Variants in QSOX1 observed in about 807,000 individuals in gnomAD.
QSOX1 encodes the protein sulfhydryl oxidase 1.
Under a neutral mutation model 76.1 loss-of-function variants are expected in QSOX1, and 40 were observed. That is an observed-to-expected ratio of 0.53 (90% CI 0.41 to 0.68). QSOX1 has a LOEUF of 0.68. Ranked by LOEUF, QSOX1 falls within the 30% of genes least tolerant of loss-of-function variation. The pLI is 0.00. For synonymous variants in QSOX1, 392 were observed against 413.1 expected (o/e 0.95, Z 0.62); for missense variants, 931 against 974.3 (o/e 0.96, Z 0.59).
Position 180,198,727 on chromosome 1 carries a change from C to G in QSOX1, c.*1690C>G, listed in dbSNP as rs368484930. The stretch of plus-strand genomic sequence containing the variant: ...TCCAGGCACCCATTGGCTCCATCCT[C>G]CTGGTTGTGCTCTGCACCCCCTGCT... On this transcript the variant is annotated 3_prime_UTR_variant, in exon 12 of 12. Transcript: ENST00000367602. 31 of 296,596 alleles carry G rather than the reference C, an allele frequency of 1.0e-4. No homozygotes were observed. The highest frequency in any genetic ancestry group is 6.8e-4 in the African/African-American group (31 of 45,776). 18.4% of individuals were successfully genotyped at this position (296,596 alleles called of 1,614,324 possible). A position where few individuals can be genotyped will look rare whatever the true frequency, so the allele number is the denominator to read the frequency against.
At chr1:180,186,582 C>T (rs960022197) in intron 8 of QSOX1, among the ~76,000 whole-genome samples, 1 of 152,240 alleles carries the variant, frequency 6.6e-6, no homozygotes, top group African/African-American at 2.4e-5. Flanking sequence ...AGAGGATGCT[C>T]TTCTGATACT....
chr1:180,176,882 G>A, intron 4 of QSOX1, among the ~76,000 whole-genome samples: 1 of 152,228 alleles, frequency 6.6e-6, no homozygotes, highest in Non-Finnish European at 1.5e-5. Flanking sequence ...TTAAAAGTTT[G>A]TGTGCAGGTG....
intron 8 of QSOX1, among the ~76,000 whole-genome samples, chr1:180,187,116 C>T (rs3767175): frequency 0.036 from 5,452 of 152,256 alleles, 180 homozygotes; most frequent in East Asian, 0.16. Flanking sequence ...TGATTTGTGC[C>T]TCTCCTTGGG....
rs1430925291 is a variant in QSOX1 at position 180,154,869 on chromosome 1, A to T, written c.-39A>T. The T allele has an allele frequency of 3.6e-5, 49 of 1,352,938 alleles. No homozygotes were observed. Among genetic ancestry groups the T allele is most frequent in the Non-Finnish European group, 4.6e-5 (49 of 1,057,378 alleles). 83.8% of individuals were successfully genotyped at this position (1,352,938 alleles called of 1,614,324 possible). ...GTGCCGCGGCGCCGGGACCCGACTC[A>T]TCCGGTGCTTGCGTGTGGTGGTGAG... On this transcript the variant is annotated 5_prime_UTR_variant, in exon 1 of 12. Transcript: ENST00000367602.
intron 5 of QSOX1, among the ~76,000 whole-genome samples, chr1:180,180,690 T>A (rs1663008828): frequency 6.6e-6 from 1 of 152,178 alleles, no homozygotes; most frequent in Non-Finnish European, 1.5e-5. Context: ...AATTTTTTTA[T>A]ATTTTTAGTA....
In QSOX1 at chr1:180,196,983, C is replaced by T. The variant is rs747725819; in HGVS notation, c.2190C>T (p.Tyr730=). ...TGGGCCTGCTGGCCATGTACACCTA[C>T]TTCCAGGCCAAGATAAGGGCCCTGA... ...SFMGLLAMYT[Y]FQAKIRALKG... Residue 730 remains tyrosine, a synonymous_variant, in exon 12 of 12, where the codon TAC becomes TAT. Coordinates refer to ENST00000367602, the MANE Select transcript of QSOX1 (RefSeq NM_002826.5). The surrounding 1 kb of genome is among the most constrained non-coding windows in gnomAD (Gnocchi z 4.1). 6.2e-7 allele frequency: 1 copy of T among 1,612,594 alleles called. No individual in the cohort carries two copies. Among genetic ancestry groups the T allele is most frequent in the Non-Finnish European group, 8.5e-7 (1 of 1,179,060 alleles).
At chr1:180,189,330 C>G (rs923355585) in intron 8 of QSOX1, among the ~76,000 whole-genome samples, 1 of 152,182 alleles carries the variant, frequency 6.6e-6, no homozygotes, top group Non-Finnish European at 1.5e-5. Flanking sequence ...ACCCTGTCTT[C>G]TAGCCTTACC....
At chr1:180,183,235 T>C (rs1663083250) in intron 6 of QSOX1, among the ~76,000 whole-genome samples, 1 of 151,368 alleles carries the variant, frequency 6.6e-6, no homozygotes, top group Non-Finnish European at 1.5e-5. Context: ...CCATGCCAGC[T>C]CCCCCGGGGC....
intron 10 of QSOX1, among the ~76,000 whole-genome samples, chr1:180,192,561 G>A (rs56049665): frequency 1.9e-3 from 287 of 152,288 alleles, no homozygotes; most frequent in Non-Finnish European, 3.1e-3. Context: ...CAGAGCTGAG[G>A]GACTTACTGA....
intron 9 of QSOX1, 37 bp from the exon 10 acceptor site, chr1:180,190,396 T>G: frequency 6.3e-7 from 1 of 1,592,734 alleles, no homozygotes; most frequent in Non-Finnish European, 8.6e-7. Context: ...ATCCTTTTCC[T>G]TCTCCATATG....
chr1:180,154,953 CTG>C lies in QSOX1; in HGVS notation c.47_48del (p.Leu16ProfsTer12). 6.7e-7 allele frequency: 1 copy of C among 1,496,812 alleles called. No individual in the cohort carries two copies. The highest frequency in any genetic ancestry group is 8.8e-7 in the Non-Finnish European group (1 of 1,131,096). The allele number at this position is 1,496,812 out of a possible 1,614,324, so 92.7% of individuals were successfully genotyped here. A position where few individuals can be genotyped will look rare whatever the true frequency, so the allele number is the denominator to read the frequency against. On this transcript the variant is annotated frameshift_variant, in exon 1 of 12. Coordinates refer to ENST00000367602, the MANE Select transcript of QSOX1 (RefSeq NM_002826.5). LOFTEE classifies it high-confidence loss of function. ...CTCCGGGCCGCCGCCGTCGCTGCTG[CTG>C]CTGCTGCTGTGGCTGCTCGCGGTTC... Reference protein sequence around the residue: ...SGSGPPPSLLLLLLWLLAVPG... With the variant: ...SGSGPPPSLLXLLLWLLAVPG...
chr1:180,156,718 C>A (rs932951721), intron 1 of QSOX1, among the ~76,000 whole-genome samples: 2 of 152,192 alleles, frequency 1.3e-5, no homozygotes, highest in Admixed American at 6.5e-5. Context: ...GTGCTTCACA[C>A]CATTTCAACA....
intron 1 of QSOX1, among the ~76,000 whole-genome samples, chr1:180,156,592 GCCATATGGT>G (rs1662380803): frequency 6.6e-6 from 1 of 152,186 alleles, no homozygotes; most frequent in East Asian, 1.9e-4. Flanking sequence ...ACATCTTTTA[GCCATATGGT>G]CCTGGAAAAT....
chr1:180,197,925 T>G lies in QSOX1; in HGVS notation c.*888T>G, dbSNP rs147033083. ...TCTCTCTCCAGGTTTCACCTTCCAG[T>G]GTGCAGAAGTTAGAAGGGTCTGGCG... On this transcript the variant is annotated 3_prime_UTR_variant, in exon 12 of 12. Transcript: ENST00000367602. 1.1e-3 allele frequency: 360 copies of G among 324,562 alleles called. 2 individuals carry two copies. The highest frequency in any genetic ancestry group is 6.5e-3 in the African/African-American group (300 of 46,300). 20.1% of individuals were successfully genotyped at this position (324,562 alleles called of 1,614,324 possible). A position where few individuals can be genotyped will look rare whatever the true frequency, so the allele number is the denominator to read the frequency against.
At position 180,201,154 on chromosome 1, in the gene QSOX1, T is replaced by A. The variant is rs1663629046; in HGVS notation, c.*4117T>A. 6.6e-6 allele frequency: 1 copy of A among 152,204 alleles called. No homozygotes were observed. The highest frequency in any genetic ancestry group is 6.5e-5 in the Admixed American group (1 of 15,288). The allele number at this position is 152,204 out of a possible 1,614,324, so 9.4% of individuals were successfully genotyped here. A position where few individuals can be genotyped will look rare whatever the true frequency, so the allele number is the denominator to read the frequency against. On this transcript the variant is annotated 3_prime_UTR_variant, in exon 12 of 12. Coordinates refer to ENST00000367602, the MANE Select transcript of QSOX1 (RefSeq NM_002826.5). ...CGGGTCCCTGCTAAATTCCTCTCCC[T>A]CTTCCTGGGATTCCCATCCATGTAT...
At chr1:180,186,010 G>A (rs1663160719) in intron 7 of QSOX1, 43 bp from the exon 8 acceptor site, 1 of 1,608,000 alleles carries the variant, frequency 6.2e-7, no homozygotes, top group Non-Finnish European at 8.5e-7. Flanking sequence ...CCTGCACCAT[G>A]GTTAATACTT....
intron 1 of QSOX1, among the ~76,000 whole-genome samples, chr1:180,164,233 T>A (rs1662559163): frequency 6.6e-6 from 1 of 152,200 alleles, no homozygotes; most frequent in African/African-American, 2.4e-5. Flanking sequence ...TGCAGATACT[T>A]GGATAGGCTC....
chr1:180,196,620 G>C lies in QSOX1; in HGVS notation c.1827G>C (p.Leu609=). The C allele has an allele frequency of 6.2e-7, 1 of 1,614,198 alleles. No individual in the cohort carries two copies. Among genetic ancestry groups the C allele is most frequent in the South Asian group, 1.1e-5 (1 of 91,086 alleles). The change falls in exon 12 of 12, where the codon CTG becomes CTC. Residue 609 remains leucine, a synonymous_variant. Coordinates refer to ENST00000367602, the MANE Select transcript of QSOX1 (RefSeq NM_002826.5). The surrounding 1 kb of genome is among the most constrained non-coding windows in gnomAD (Gnocchi z 4.1). The part of the protein sequence containing the change: ...EGPEASRPPK[L]HPGLRAAPGQ... ...CTGAGGCAAGTCGACCCCCGAAGCT[G>C]CACCCTGGCCTCAGAGCTGCACCAG...
Position 180,203,625 on chromosome 1 carries a change from T to A in QSOX1, c.*6588T>A, listed in dbSNP as rs1363219099. The A allele has an allele frequency of 6.6e-6, 1 of 152,270 alleles. No homozygotes were observed. The highest frequency in any genetic ancestry group is 1.9e-4 in the East Asian group (1 of 5,208). The allele number at this position is 152,270 out of a possible 1,614,324, so 9.4% of individuals were successfully genotyped here. A position where few individuals can be genotyped will look rare whatever the true frequency, so the allele number is the denominator to read the frequency against. ...TTCAATAAAATTTGTAGGAGGCCAC[T>A]GATTTGGCCTAGGCTCCTATGATGT... is the stretch of plus-strand genomic sequence containing the variant. On this transcript the variant is annotated 3_prime_UTR_variant, in exon 12 of 12. Transcript: ENST00000367602.
Sources: allele counts gnomAD v4.1 joint callset (sites outside exome capture counted in the v4.1 genomes callset), GRCh38; gene constraint gnomAD v4.1.1; non-coding constraint Gnocchi (gnomAD v3.1); transcripts MANE v1.5; gene names NCBI Gene and HGNC (gene_info 2026-07-23, HGNC 2026-07-21).